The following DYNC1I2 variants were observed in gnomAD, a reference collection of about 807,000 sequenced individuals.
DYNC1I2 encodes cytoplasmic dynein 1 intermediate chain 2.
Under a neutral mutation model 88.6 loss-of-function variants are expected in DYNC1I2, and 53 were observed. The observed-to-expected ratio is 0.60, with a 90% CI of 0.48 to 0.75. The LOEUF (loss-of-function observed/expected upper bound fraction) is 0.75. Among genes scored for constraint, DYNC1I2 ranks in the 30% least tolerant of loss-of-function variants. The pLI is 0.00. For missense variants in DYNC1I2, 458 were observed against 766.6 expected, an observed-to-expected ratio of 0.60 and a Z score of 4.75; for synonymous variants, 198 against 254.6, an observed-to-expected ratio of 0.78 and a Z score of 2.12.
At chr2:171,721,537 A>G (rs573430541) in intron 7 of DYNC1I2, among the ~76,000 whole-genome samples, 2 of 152,362 alleles carry the variant, frequency 1.3e-5, no homozygotes, top group South Asian at 4.1e-4. Context: ...AAGGAAAATC[A>G]TTCCTATGTA....
intron 3 of DYNC1I2, among the ~76,000 whole-genome samples, chr2:171,698,713 CA>C (rs1431919201): frequency 1.3e-5 from 2 of 151,624 alleles, no homozygotes; most frequent in African/African-American, 4.8e-5. Flanking sequence ...ACTAAAAATA[CA>C]AAAAATTAGC....
At chr2:171,710,629 A>C (rs1269181189) in intron 5 of DYNC1I2, among the ~76,000 whole-genome samples, 2 of 152,152 alleles carry the variant, frequency 1.3e-5, no homozygotes, top group Non-Finnish European at 2.9e-5. Context: ...AAGCTGCATT[A>C]CATTTGTTAT....
intron 7 of DYNC1I2, among the ~76,000 whole-genome samples, chr2:171,722,169 A>G (rs947401577): frequency 6.6e-6 from 1 of 152,162 alleles, no homozygotes; most frequent in African/African-American, 2.4e-5. Flanking sequence ...ATTGTAAGAG[A>G]TTATTCCAAC....
intron 3 of DYNC1I2, among the ~76,000 whole-genome samples, chr2:171,695,469 A>G (rs1685698942): frequency 6.6e-6 from 1 of 152,150 alleles, no homozygotes; most frequent in South Asian, 2.1e-4. Flanking sequence ...ATCTCTGTGT[A>G]TATATACTTT....
chr2:171,702,512 A>G (rs1015585271), intron 3 of DYNC1I2, among the ~76,000 whole-genome samples: 4 of 152,092 alleles, frequency 2.6e-5, no homozygotes, highest in Non-Finnish European at 4.4e-5. Flanking sequence ...TCTATTTTGT[A>G]TCATGACTTA....
At chr2:171,740,196 T>C (rs756338105) in intron 15 of DYNC1I2, among the ~76,000 whole-genome samples, 31 of 152,194 alleles carry the variant, frequency 2.0e-4, no homozygotes, top group Non-Finnish European at 4.3e-4. Flanking sequence ...GCAGATAGTT[T>C]ATGTTTCTGT....
At chr2:171,713,287 A>G (rs1306783156) in intron 6 of DYNC1I2, among the ~76,000 whole-genome samples, 2 of 152,120 alleles carry the variant, frequency 1.3e-5, no homozygotes, top group African/African-American at 4.8e-5. Context: ...AAAACTATTC[A>G]TGAATCTAGA....
intron 15 of DYNC1I2, among the ~76,000 whole-genome samples, chr2:171,739,696 C>CTCTCTCTCTCTCTCTTTTTTTT (rs1689267774): frequency 1.5e-5 from 1 of 65,038 alleles, no homozygotes; most frequent in African/African-American, 5.7e-5. Flanking sequence ...TGACATATCT[C>CTCTCTCTCTCTCTCTTTTTTTT]TTTTTTTTTT....
chr2:171,742,447 C>T (rs1223707423), intron 15 of DYNC1I2, among the ~76,000 whole-genome samples: 2 of 152,334 alleles, frequency 1.3e-5, no homozygotes, highest in African/African-American at 2.4e-5. Flanking sequence ...GCTGGGATTA[C>T]AGGCATGAGC....
chr2:171,698,532 G>T (rs566296894), intron 3 of DYNC1I2, among the ~76,000 whole-genome samples: 1 of 152,160 alleles, frequency 6.6e-6, no homozygotes, highest in South Asian at 2.1e-4. Flanking sequence ...CTACAGGCAT[G>T]TGCTGCCACC....
rs780086105 is a variant in DYNC1I2, at chr2:171,728,279, C to T, written c.1144-26C>T. The stretch of plus-strand genomic sequence containing the variant: ...GTTTTGCTTTTTGGTACAATAATCC[C>T]TGAAAACTTTTTTTAATATCTCTAG... On this transcript the variant is annotated intron_variant, in intron 12 of 17. Coordinates refer to ENST00000397119, the MANE Select transcript of DYNC1I2 (RefSeq NM_001378.3). 16 of 1,413,734 alleles carry T rather than the reference C, an allele frequency of 1.1e-5. No individual in the cohort carries two copies. The South Asian group carries it at 2.3e-4, about 20-fold the overall frequency. 87.6% of individuals were successfully genotyped at this position (1,413,734 alleles called of 1,614,324 possible). A position where few individuals can be genotyped will look rare whatever the true frequency, so the allele number is the denominator to read the frequency against.
intron 15 of DYNC1I2, among the ~76,000 whole-genome samples, chr2:171,742,012 G>T (rs1406098065): frequency 6.6e-6 from 1 of 150,630 alleles, no homozygotes; most frequent in Non-Finnish European, 1.5e-5. Context: ...AACCCAGTGA[G>T]CTGAGATCAT....
chr2:171,706,573 G>C lies in DYNC1I2; in HGVS notation c.244+9G>C. The C allele has an allele frequency of 6.2e-7, 1 of 1,611,284 alleles. No individual in the cohort carries two copies. The highest frequency in any genetic ancestry group is 1.3e-5 in the African/African-American group (1 of 74,982). On this transcript the variant is annotated intron_variant, in intron 4 of 17. Transcript: ENST00000397119. ...TTTTTCTGAATACTGGGGTAAGGAA[G>C]TTCCCATAAGTCTTGCCTTGTTTAT...
chr2:171,692,871 G>A lies in DYNC1I2; in HGVS notation c.203G>A (p.Gly68Glu). 1.2e-6 allele frequency: 2 copies of A among 1,603,348 alleles called. No homozygotes were observed. Among genetic ancestry groups the A allele is most frequent in the Non-Finnish European group, 1.7e-6 (2 of 1,174,616 alleles). ...REAEALLQSM[G>E]LTPESPIVFS... ...GCTGAAGCATTGCTTCAAAGCATGG[G>A]GCTAACTCCAGAATCCCCCATTGGT... The change falls in exon 3 of 18, where the codon GGG becomes GAG. Residue 68 changes from glycine to glutamate, a missense_variant. Physicochemically the swap from Gly to Glu is moderately conservative, Grantham distance 98. Coordinates refer to ENST00000397119, the MANE Select transcript of DYNC1I2 (RefSeq NM_001378.3).
At chr2:171,701,763 T>C (rs745906012) in intron 3 of DYNC1I2, among the ~76,000 whole-genome samples, 1 of 152,218 alleles carries the variant, frequency 6.6e-6, no homozygotes, top group Non-Finnish European at 1.5e-5. Context: ...GCATATTTTA[T>C]CTCCAGTCAT....
chr2:171,715,729 A>G (rs1425088750), intron 7 of DYNC1I2, among the ~76,000 whole-genome samples: 3 of 152,132 alleles, frequency 2.0e-5, no homozygotes, highest in East Asian at 3.8e-4. Flanking sequence ...TCATTAATGT[A>G]TACTGCTTTT....
chr2:171,742,412 T>A (rs1432149413), intron 15 of DYNC1I2, among the ~76,000 whole-genome samples: 1 of 152,198 alleles, frequency 6.6e-6, no homozygotes, highest in Non-Finnish European at 1.5e-5. Flanking sequence ...GCTCATGTGA[T>A]CCACCCACCT....
At chr2:171,734,995 CTT>C (rs1688908381) in intron 15 of DYNC1I2, among the ~76,000 whole-genome samples, 2 of 152,212 alleles carry the variant, frequency 1.3e-5, no homozygotes, top group African/African-American at 4.8e-5. Flanking sequence ...ATTTAACAGA[CTT>C]TAAATGTTTT....
intron 1 of DYNC1I2, 127 bp from the exon 2 acceptor site, chr2:171,690,020 A>G (rs991526619): frequency 6.9e-5 from 33 of 478,808 alleles, no homozygotes; most frequent in Non-Finnish European, 2.2e-5. Flanking sequence ...TTATTTTAAA[A>G]GTAAGGTTTT....
Sources: allele counts gnomAD v4.1 joint callset (sites outside exome capture counted in the v4.1 genomes callset), GRCh38; gene constraint gnomAD v4.1.1; transcripts MANE v1.5; gene names NCBI Gene and HGNC (gene_info 2026-07-23, HGNC 2026-07-21).